Variants in ENTREP2 observed in about 807,000 individuals in gnomAD.
ENTREP2 encodes the protein protein ENTREP2.
the ENTREP2 span, among the ~76,000 whole-genome samples, chr15:29,317,600 A>C: frequency 6.6e-6 from 1 of 152,190 alleles, no homozygotes; most frequent in Non-Finnish European, 1.5e-5. Context: ...CTGGCTTATT[A>C]AAATGCTTGA....
the ENTREP2 span, among the ~76,000 whole-genome samples, chr15:29,531,432 A>G: frequency 2.0e-5 from 3 of 152,122 alleles, no homozygotes; most frequent in Admixed American, 2.0e-4. Context: ...TCCCACTCTG[A>G]CAAGGGCCTA....
the ENTREP2 span, among the ~76,000 whole-genome samples, chr15:29,208,933 A>G: frequency 3.9e-5 from 6 of 152,314 alleles, no homozygotes; most frequent in East Asian, 3.9e-4. Flanking sequence ...AAAAGGGTCA[A>G]TTACATATGA....
the ENTREP2 span, chr15:29,269,798 GGC>G: frequency 2.4e-6 from 3 of 1,226,030 alleles, no homozygotes; most frequent in African/African-American, 3.2e-5. Context: ...GGTGCCTGGA[GGC>G]GCGCGCAGTG....
chr15:29,629,269 T>C, the ENTREP2 span, among the ~76,000 whole-genome samples: 1 of 152,192 alleles, frequency 6.6e-6, no homozygotes, highest in African/African-American at 2.4e-5. Context: ...CGTCACTAAT[T>C]ATATTTTACA....
the ENTREP2 span, among the ~76,000 whole-genome samples, chr15:29,145,621 T>A: frequency 1.5e-4 from 2 of 13,704 alleles, no homozygotes; most frequent in Non-Finnish European, 2.8e-4. Context: ...AGACTCCATC[T>A]CAAAAAAAAA....
the ENTREP2 span, among the ~76,000 whole-genome samples, chr15:29,640,233 C>G: frequency 7.7e-3 from 1,175 of 152,252 alleles, 15 homozygotes; most frequent in African/African-American, 0.026. Context: ...CTATGGACAT[C>G]TGTATGCCAA....
At chr15:29,556,768 C>CCCT in the ENTREP2 span, among the ~76,000 whole-genome samples, 3,124 of 115,080 alleles carry the variant, frequency 0.027, 118 homozygotes, top group African/African-American at 0.086. Flanking sequence ...AGGTGCCCCC[C>CCCT]CCCCGCCCCA....
the ENTREP2 span, among the ~76,000 whole-genome samples, chr15:29,160,411 C>T: frequency 2.6e-5 from 4 of 152,054 alleles, no homozygotes; most frequent in Non-Finnish European, 5.9e-5. Context: ...GGGAAGGCTG[C>T]GAGGACTGCC....
At chr15:29,410,877 C>G in the ENTREP2 span, among the ~76,000 whole-genome samples, 1 of 152,190 alleles carries the variant, frequency 6.6e-6, no homozygotes, top group African/African-American at 2.4e-5. Flanking sequence ...CCTCCGCCTC[C>G]CAGGTTCAAG....
the ENTREP2 span, among the ~76,000 whole-genome samples, chr15:29,357,248 A>T: frequency 6.6e-6 from 1 of 152,252 alleles, no homozygotes; most frequent in African/African-American, 2.4e-5. Context: ...AAAAAAAAGA[A>T]GCAAATGTTT....
the ENTREP2 span, among the ~76,000 whole-genome samples, chr15:29,238,358 C>T: frequency 2.0e-4 from 31 of 152,196 alleles, no homozygotes; most frequent in East Asian, 1.7e-3. Context: ...TGGAGCTAGG[C>T]GCGGTAGCTC....
the ENTREP2 span, among the ~76,000 whole-genome samples, chr15:29,483,168 A>AT: frequency 6.6e-6 from 1 of 152,192 alleles, no homozygotes; most frequent in Admixed American, 6.5e-5. Context: ...TTGTTTGCCC[A>AT]TTTTTTAATC....
the ENTREP2 span, among the ~76,000 whole-genome samples, chr15:29,118,896 G>T: frequency 1.3e-5 from 2 of 152,306 alleles, no homozygotes; most frequent in African/African-American, 4.8e-5. Context: ...GTGGCCTGGG[G>T]TCCAGCTGGG....
chr15:29,367,338 G>A, the ENTREP2 span, among the ~76,000 whole-genome samples: 25,965 of 152,084 alleles, frequency 0.17, 2,430 homozygotes, highest in East Asian at 0.38. Context: ...TGACCATTCT[G>A]GTGATTCCCT....
At chr15:29,201,848 G>T in the ENTREP2 span, among the ~76,000 whole-genome samples, 1 of 152,104 alleles carries the variant, frequency 6.6e-6, no homozygotes, top group Non-Finnish European at 1.5e-5. Flanking sequence ...GTGTAGAAAT[G>T]GTATTAATTC....
the ENTREP2 span, among the ~76,000 whole-genome samples, chr15:29,224,369 T>A: frequency 6.6e-6 from 1 of 152,080 alleles, no homozygotes; most frequent in Admixed American, 6.6e-5. Context: ...GAACAAAGCT[T>A]CCACACTTGT....
chr15:29,223,752 T>C, the ENTREP2 span, among the ~76,000 whole-genome samples: 8 of 152,066 alleles, frequency 5.3e-5, no homozygotes. Flanking sequence ...AGAGGCTGGT[T>C]CTGGAGCCCC....
chr15:29,294,224 A>G, the ENTREP2 span, among the ~76,000 whole-genome samples: 7 of 152,206 alleles, frequency 4.6e-5, no homozygotes, highest in African/African-American at 1.7e-4. Flanking sequence ...CACATTGACC[A>G]ATCCTGGAAG....
At chr15:29,408,348 G>C in the ENTREP2 span, among the ~76,000 whole-genome samples, 1 of 152,152 alleles carries the variant, frequency 6.6e-6, no homozygotes, top group Non-Finnish European at 1.5e-5. Context: ...ACAGAATGAA[G>C]AAAAATAAGG....
Sources: gnomAD v4.1 joint callset for allele counts (sites outside exome capture counted in the v4.1 genomes callset) on GRCh38, gnomAD v4.1.1 for gene constraint, MANE v1.5 for transcripts, NCBI Gene and HGNC (gene_info 2026-07-23, HGNC 2026-07-21) for gene names.